Variants in MGST2 observed in about 807,000 individuals in gnomAD.
MGST2 encodes the protein microsomal glutathione S-transferase 2.
Under a neutral mutation model 16.6 loss-of-function variants are expected in MGST2, and 9 were observed. That is an observed-to-expected ratio of 0.54 (90% confidence interval 0.33 to 0.95). The LOEUF is 0.95. Among genes scored for constraint, MGST2 ranks in the 40% least tolerant of loss-of-function variants. MGST2 has a pLI of 0.03. For synonymous variants in MGST2, 79 were observed against 68.0 expected, an observed-to-expected ratio of 1.16 and a Z score of -0.79; for missense variants, 159 against 175.1, an observed-to-expected ratio of 0.91 and a Z score of 0.52.
chr4:139,732,576 ATTT>A (rs5862431), intron 5 of MGST2, among the ~76,000 whole-genome samples: 5 of 146,010 alleles, frequency 3.4e-5, no homozygotes, highest in Non-Finnish European at 4.5e-5. Flanking sequence ...CTAGAACGCT[ATTT>A]TTTTTTTTTT....
chr4:139,686,582 G>A (rs921320696), intron 2 of MGST2, among the ~76,000 whole-genome samples: 2 of 152,304 alleles, frequency 1.3e-5, no homozygotes, highest in Admixed American at 6.5e-5. Context: ...GGTCAGAGCC[G>A]TCAGCAATCA....
At chr4:139,732,167 C>T (rs1979188) in intron 5 of MGST2, among the ~76,000 whole-genome samples, 151,218 of 152,380 alleles carry the variant, frequency 0.99, 75,037 homozygotes, top group East Asian at 1. Flanking sequence ...TGGATTTTAA[C>T]ATTTTTCTTC....
chr4:139,666,029 A>C lies in MGST2; in HGVS notation c.10A>C (p.Asn4His), dbSNP rs750382231. ...TAGTTCCGTGAGAAAGATGGCCGGG[A>C]ACTCGATCCTGCTGGCTGCTGTCTC... MAG[N>H]SILLAAVSIL... Residue 4 changes from asparagine to histidine, a missense_variant, in exon 1 of 5, where the codon AAC (asparagine) becomes CAC (histidine). By Grantham distance (68) the Asn-to-His change is moderately conservative (BLOSUM62 1). Coordinates refer to ENST00000265498, the MANE Select transcript of MGST2 (RefSeq NM_002413.5). The C allele has an allele frequency of 1.2e-6, 2 of 1,614,088 alleles. No homozygotes were observed. The highest frequency in any genetic ancestry group is 1.7e-6 in the Non-Finnish European group (2 of 1,180,026).
chr4:139,702,844 G>T (rs201870645), intron 3 of MGST2, among the ~76,000 whole-genome samples: 131 of 46,424 alleles, frequency 2.8e-3, no homozygotes, highest in Admixed American at 6.2e-3. Flanking sequence ...TGTGTTACTG[G>T]TTTTTTTTTT....
chr4:139,730,243 C>A lies in MGST2; in HGVS notation c.*49-9969C>A, dbSNP rs1728644656. 4.7e-6 allele frequency: 3 copies of A among 637,606 alleles called. No individual in the cohort carries two copies. The East Asian group carries it at 8.2e-5, about 17-fold the overall frequency. 39.5% of individuals were successfully genotyped at this position (637,606 alleles called of 1,614,324 possible). A position where few individuals can be genotyped will look rare whatever the true frequency, so the allele number is the denominator to read the frequency against. ...ACAAATTAATTCATTATAGGAAAAA[C>A]CCTAACTAATTGAAAGGTCTAAATT... On this transcript the variant is annotated intron_variant, in intron 5 of 5. Transcript: ENST00000616265.
At chr4:139,726,477 G>A (rs952011737) in intron 5 of MGST2, among the ~76,000 whole-genome samples, 1 of 152,144 alleles carries the variant, frequency 6.6e-6, no homozygotes, top group African/African-American at 2.4e-5. Context: ...GCGTGCTGAG[G>A]GAAGGGGTTT....
At chr4:139,736,991 T>G (rs1276262668) in intron 5 of MGST2, among the ~76,000 whole-genome samples, 1 of 152,166 alleles carries the variant, frequency 6.6e-6, no homozygotes, top group Non-Finnish European at 1.5e-5. Flanking sequence ...CCAAGAATTC[T>G]GAAAGGAGCC....
chr4:139,680,764 T>C (rs1731200453), intron 2 of MGST2, among the ~76,000 whole-genome samples: 1 of 152,236 alleles, frequency 6.6e-6, no homozygotes. Flanking sequence ...ATTTCTGTAT[T>C]AGAAATCCTT....
chr4:139,676,290 T>A (rs1730953914), intron 1 of MGST2, among the ~76,000 whole-genome samples: 1 of 152,206 alleles, frequency 6.6e-6, no homozygotes, highest in South Asian at 2.1e-4. Flanking sequence ...CTATCATGAT[T>A]TATTTATCTA....
the MGST2 span, among the ~76,000 whole-genome samples, chr4:139,752,941 G>C: frequency 6.6e-6 from 1 of 152,174 alleles, no homozygotes; most frequent in African/African-American, 2.4e-5. Context: ...GGTCTTTGCA[G>C]GCTGGGGTGA....
downstream of MGST2, among the ~76,000 whole-genome samples, chr4:139,742,478 C>T (rs577380757): frequency 6.6e-6 from 1 of 152,310 alleles, no homozygotes; most frequent in South Asian, 2.1e-4. Context: ...TTAATCAGAA[C>T]TCTTCTTGGG....
intron 4 of MGST2, 77 bp from the exon 5 acceptor site, chr4:139,703,939 G>C: frequency 6.3e-7 from 1 of 1,579,832 alleles, no homozygotes; most frequent in South Asian, 1.1e-5. Context: ...TTAACGATAG[G>C]ACAGCCTACC....
Position 139,665,885 on chromosome 4 carries a change from C to T in MGST2, c.-135C>T. On this transcript the variant is annotated 5_prime_UTR_variant, in exon 1 of 5. Coordinates refer to ENST00000265498, the MANE Select transcript of MGST2 (RefSeq NM_002413.5). Reference sequence around the variant, plus strand: ...CTGACTTCTGTTCCAGAGCAAAGGTCATTCAGCCGCTTGAATCAGCCTTTT... The same window carrying T: ...CTGACTTCTGTTCCAGAGCAAAGGTTATTCAGCCGCTTGAATCAGCCTTTT... 1.2e-6 allele frequency: 1 copy of T among 842,012 alleles called. No homozygotes were observed. Among genetic ancestry groups the T allele is most frequent in the Non-Finnish European group, 2.0e-6 (1 of 501,746 alleles). The allele number at this position is 842,012 out of a possible 1,614,324, so 52.2% of individuals were successfully genotyped here.
intron 2 of MGST2, among the ~76,000 whole-genome samples, chr4:139,688,802 C>A (rs1375378395): frequency 1.3e-5 from 2 of 152,142 alleles, no homozygotes; most frequent in Non-Finnish European, 2.9e-5. Context: ...CCCTTATCCA[C>A]TGAATTATTA....
chr4:139,672,601 A>T (rs1467260432), intron 1 of MGST2, among the ~76,000 whole-genome samples: 1 of 148,000 alleles, frequency 6.8e-6, no homozygotes, highest in Non-Finnish European at 1.5e-5. Context: ...TTTGACTCGG[A>T]GTACAGTGGT....
In MGST2 at chr4:139,715,947, A is replaced by T. The variant is rs2110938934; in HGVS notation, c.*48+11751A>T. Among the ~76,000 whole-genome samples, 1 of 152,194 alleles carries T rather than the reference A, an allele frequency of 6.6e-6. No individual in the cohort carries two copies. Among genetic ancestry groups the T allele is most frequent in the South Asian group, 2.1e-4 (1 of 4,810 alleles). ...TCTCATTTTACCCAGCTCCTATTTAACATGGAGTTGCTCTGGTTCACACGC... is the reference window on the plus strand; with the variant it reads ...TCTCATTTTACCCAGCTCCTATTTATCATGGAGTTGCTCTGGTTCACACGC... On this transcript the variant is annotated intron_variant, in intron 5 of 5. Transcript: ENST00000616265. This position sits in a 1 kb window ranked among gnomAD's most constrained non-coding sequence, Gnocchi z 4.4.
chr4:139,736,252 A>G (rs1009234639), intron 5 of MGST2, among the ~76,000 whole-genome samples: 1 of 152,156 alleles, frequency 6.6e-6, no homozygotes, highest in Non-Finnish European at 1.5e-5. Flanking sequence ...CCAACCTCTC[A>G]CCAGAATCCA....
intron 3 of MGST2, among the ~76,000 whole-genome samples, chr4:139,700,025 C>G (rs1727150551): frequency 6.6e-6 from 1 of 151,798 alleles, no homozygotes; most frequent in Non-Finnish European, 1.5e-5. Context: ...GAGTGAGACC[C>G]TGTCTCAAAA....
chr4:139,719,300 G>A (rs564706287), intron 5 of MGST2: 3 of 1,540,654 alleles, frequency 1.9e-6, no homozygotes, highest in South Asian at 2.5e-5. Context: ...CACTCGAGTT[G>A]TGGATCTTGG....
Sources: gnomAD v4.1 joint callset for allele counts (sites outside exome capture counted in the v4.1 genomes callset) on GRCh38, gnomAD v4.1.1 for gene constraint, Gnocchi (gnomAD v3.1) non-coding constraint, MANE v1.5 for transcripts, NCBI Gene and HGNC (gene_info 2026-07-23, HGNC 2026-07-21) for gene names.